Variants in DRC11 observed in about 807,000 individuals in gnomAD.
DRC11 encodes dynein regulatory complex subunit 11.
chr2:236,496,792 T>C, the DRC11 span, among the ~76,000 whole-genome samples: 2 of 152,044 alleles, frequency 1.3e-5, no homozygotes, highest in Non-Finnish European at 2.9e-5. The surrounding 1 kb of genome is among the most constrained non-coding windows in gnomAD (Gnocchi z 6.3). Context: ...TACAGAGAGA[T>C]TCCATGGAAA....
the DRC11 span, among the ~76,000 whole-genome samples, chr2:236,315,961 A>G: frequency 6.6e-6 from 1 of 152,194 alleles, no homozygotes; most frequent in Non-Finnish European, 1.5e-5. The surrounding 1 kb of genome is among the most constrained non-coding windows in gnomAD (Gnocchi z 5.1). Flanking sequence ...TTACCTATGT[A>G]ACAAACCTGC....
At chr2:236,363,715 G>T in the DRC11 span, 7 of 1,228,172 alleles carry the variant, frequency 5.7e-6, no homozygotes, top group Admixed American at 5.5e-5. This position sits in a 1 kb window ranked among gnomAD's most constrained non-coding sequence, Gnocchi z 5.6. Flanking sequence ...GAAATTATCT[G>T]CAGGGTTTGA....
the DRC11 span, among the ~76,000 whole-genome samples, chr2:236,493,493 T>G: frequency 6.6e-6 from 1 of 152,250 alleles, no homozygotes; most frequent in East Asian, 1.9e-4. Flanking sequence ...GATGAAACAT[T>G]AAACTGCGTT....
At chr2:236,327,016 G>A in the DRC11 span, among the ~76,000 whole-genome samples, 1 of 151,870 alleles carries the variant, frequency 6.6e-6, no homozygotes, top group African/African-American at 2.4e-5. Flanking sequence ...CACCATGCCT[G>A]GCCAAGATTC....
chr2:236,343,613 G>T, the DRC11 span: 1 of 767,664 alleles, frequency 1.3e-6, no homozygotes, highest in Non-Finnish European at 2.0e-6. This position sits in a 1 kb window ranked among gnomAD's most constrained non-coding sequence, Gnocchi z 6.6. Flanking sequence ...CCAGGTGTGT[G>T]ACACGTGAGA....
the DRC11 span, among the ~76,000 whole-genome samples, chr2:236,343,279 A>G: frequency 6.6e-6 from 1 of 152,158 alleles, no homozygotes; most frequent in African/African-American, 2.4e-5. The surrounding 1 kb of genome is among the most constrained non-coding windows in gnomAD (Gnocchi z 6.6). Context: ...CAGGAGGAAC[A>G]TTCCCGTTCC....
the DRC11 span, among the ~76,000 whole-genome samples, chr2:236,356,942 T>G: frequency 7.1e-6 from 1 of 141,324 alleles, no homozygotes; most frequent in East Asian, 2.0e-4. Flanking sequence ...TTATATATTA[T>G]ATATTCATAT....
the DRC11 span, among the ~76,000 whole-genome samples, chr2:236,369,452 T>C: frequency 6.6e-6 from 1 of 152,126 alleles, no homozygotes. This position sits in a 1 kb window ranked among gnomAD's most constrained non-coding sequence, Gnocchi z 4.5. Flanking sequence ...AGGTAATAAA[T>C]AGAAGAGTGG....
chr2:236,459,848 TG>T, the DRC11 span, among the ~76,000 whole-genome samples: 1 of 151,768 alleles, frequency 6.6e-6, no homozygotes, highest in Non-Finnish European at 1.5e-5. Flanking sequence ...CTTTTAACAT[TG>T]GGAAAAAAAC....
the DRC11 span, among the ~76,000 whole-genome samples, chr2:236,496,583 C>A: frequency 6.6e-6 from 1 of 151,940 alleles, no homozygotes; most frequent in Non-Finnish European, 1.5e-5. This position sits in a 1 kb window ranked among gnomAD's most constrained non-coding sequence, Gnocchi z 6.3. Context: ...GGTTGCCAGG[C>A]GCCAGCAGCA....
chr2:236,391,773 T>A, the DRC11 span, among the ~76,000 whole-genome samples: 1 of 152,182 alleles, frequency 6.6e-6, no homozygotes, highest in Non-Finnish European at 1.5e-5. This position sits in a 1 kb window ranked among gnomAD's most constrained non-coding sequence, Gnocchi z 4.5. Flanking sequence ...TACTCTCAGA[T>A]GGTTGGGTTT....
At chr2:236,500,901 T>C in the DRC11 span, among the ~76,000 whole-genome samples, 5 of 152,132 alleles carry the variant, frequency 3.3e-5, no homozygotes, top group Non-Finnish European at 7.3e-5. The surrounding 1 kb of genome is among the most constrained non-coding windows in gnomAD (Gnocchi z 6.3). Flanking sequence ...TTTCTCCATG[T>C]TGGTCAGCCT....
the DRC11 span, among the ~76,000 whole-genome samples, chr2:236,336,071 C>T: frequency 5.3e-5 from 8 of 152,040 alleles, no homozygotes; most frequent in Non-Finnish European, 8.8e-5. This position sits in a 1 kb window ranked among gnomAD's most constrained non-coding sequence, Gnocchi z 7.3. Context: ...TCATGGGGGA[C>T]GTTTTGAGGC....
chr2:236,312,906 A>G, the DRC11 span, among the ~76,000 whole-genome samples: 8 of 152,120 alleles, frequency 5.3e-5, no homozygotes, highest in African/African-American at 1.9e-4. Context: ...TAATAAGAAG[A>G]TATAGTGAAA....
chr2:236,388,859 T>G, the DRC11 span, among the ~76,000 whole-genome samples: 34 of 151,922 alleles, frequency 2.2e-4, no homozygotes, highest in Non-Finnish European at 4.7e-4. Flanking sequence ...GTCCTTTCTG[T>G]TTGTTAGTTT....
the DRC11 span, among the ~76,000 whole-genome samples, chr2:236,402,575 C>T: frequency 3.3e-5 from 5 of 152,278 alleles, no homozygotes; most frequent in Admixed American, 6.5e-5. This position sits in a 1 kb window ranked among gnomAD's most constrained non-coding sequence, Gnocchi z 6.0. Flanking sequence ...TGCCTGGAAC[C>T]GCAGCCCATA....
At chr2:236,323,061 G>A in the DRC11 span, among the ~76,000 whole-genome samples, 1 of 152,152 alleles carries the variant, frequency 6.6e-6, no homozygotes, top group Non-Finnish European at 1.5e-5. The surrounding 1 kb of genome is among the most constrained non-coding windows in gnomAD (Gnocchi z 6.4). Context: ...TGTACTTGTC[G>A]TGAAACTAAG....
chr2:236,359,182 T>C, the DRC11 span, among the ~76,000 whole-genome samples: 1 of 152,004 alleles, frequency 6.6e-6, no homozygotes, highest in African/African-American at 2.4e-5. The surrounding 1 kb of genome is among the most constrained non-coding windows in gnomAD (Gnocchi z 4.3). Context: ...TAGGTTCTGC[T>C]TTCCTCCCCT....
the DRC11 span, chr2:236,408,450 G>T: frequency 1.3e-6 from 1 of 740,966 alleles, no homozygotes; most frequent in Non-Finnish European, 2.5e-6. This position sits in a 1 kb window ranked among gnomAD's most constrained non-coding sequence, Gnocchi z 5.5. Context: ...CAAACACTTG[G>T]TTCACAGGTA....
Sources: allele counts gnomAD v4.1 joint callset (sites outside exome capture counted in the v4.1 genomes callset), GRCh38; gene constraint gnomAD v4.1.1; non-coding constraint Gnocchi (gnomAD v3.1); transcripts MANE v1.5; gene names NCBI Gene and HGNC (gene_info 2026-07-23, HGNC 2026-07-21).